Variants in ADAM12 observed in about 807,000 individuals in gnomAD.
The protein encoded by ADAM12 is ADAM metallopeptidase domain 12, also known as disintegrin and metalloproteinase domain-containing protein 12.
ADAM12 carries 70 observed loss-of-function variants against 106.4 expected under a neutral mutation model. That is an observed-to-expected ratio of 0.66 (90% CI 0.54 to 0.80). The LOEUF (loss-of-function observed/expected upper bound fraction) is 0.80, where lower values mean the gene tolerates loss of function less well. ADAM12 is among the 30% of genes least tolerant of loss of function. The pLI is 0.00. For synonymous variants in ADAM12, 420 were observed against 433.5 expected (o/e 0.97, Z 0.39); for missense variants, 1,010 against 1,171.9 (o/e 0.86, Z 2.02).
chr10:126,223,577 G>A (rs1958136193), intron 3 of ADAM12, among the ~76,000 whole-genome samples: 1 of 152,254 alleles, frequency 6.6e-6, no homozygotes, highest in South Asian at 2.1e-4. Flanking sequence ...AGCAAGCAAT[G>A]TTAGGAGAAC....
intron 8 of ADAM12, among the ~76,000 whole-genome samples, chr10:126,105,526 G>A (rs773547468): frequency 2.6e-5 from 4 of 152,214 alleles, no homozygotes; most frequent in Non-Finnish European, 5.9e-5. Context: ...CTAGGCCAGT[G>A]CGTCTCAGTC....
At chr10:126,300,831 C>T (rs1960588972) in intron 2 of ADAM12, among the ~76,000 whole-genome samples, 1 of 152,238 alleles carries the variant, frequency 6.6e-6, no homozygotes, top group African/African-American at 2.4e-5. Context: ...ATTAACATTG[C>T]CGGAGTATTC....
At chr10:126,048,764 T>C (rs1471665822) in intron 16 of ADAM12, among the ~76,000 whole-genome samples, 1 of 151,818 alleles carries the variant, frequency 6.6e-6, no homozygotes, top group African/African-American at 2.4e-5. Context: ...CCTCAAAATA[T>C]CTCCATGTAT....
chr10:126,175,574 AT>A (rs895117452), intron 3 of ADAM12, among the ~76,000 whole-genome samples: 4 of 152,102 alleles, frequency 2.6e-5, no homozygotes, highest in African/African-American at 9.7e-5. Context: ...CATGCCCTAC[AT>A]TTTTTTCTCT....
At chr10:126,117,270 G>A (rs1956001585) in intron 6 of ADAM12, among the ~76,000 whole-genome samples, 1 of 152,210 alleles carries the variant, frequency 6.6e-6, no homozygotes, top group Admixed American at 6.5e-5. Flanking sequence ...CTTAGGGGTG[G>A]AGGTTTCATG....
intron 4 of ADAM12, among the ~76,000 whole-genome samples, chr10:126,144,512 G>C (rs1956589141): frequency 6.6e-6 from 1 of 152,164 alleles, no homozygotes; most frequent in Non-Finnish European, 1.5e-5. Flanking sequence ...GTGCATGAGA[G>C]AAATTGACCC....
chr10:126,055,415 C>T (rs114250797), intron 14 of ADAM12, among the ~76,000 whole-genome samples: 4 of 152,322 alleles, frequency 2.6e-5, no homozygotes, highest in South Asian at 2.1e-4. Context: ...TTTAAATGAA[C>T]GATACATTTT....
intron 3 of ADAM12, among the ~76,000 whole-genome samples, chr10:126,190,293 T>C (rs10901554): frequency 0.23 from 35,421 of 151,478 alleles, 4,944 homozygotes; most frequent in East Asian, 0.42. Flanking sequence ...CCTCCACTTC[T>C]GGGTTCAAGC....
At chr10:126,248,072 C>T (rs1958663890) in intron 3 of ADAM12, among the ~76,000 whole-genome samples, 1 of 152,220 alleles carries the variant, frequency 6.6e-6, no homozygotes, top group African/African-American at 2.4e-5. Flanking sequence ...GCTGGTGGCA[C>T]AGCTCATTGC....
chr10:126,111,074 C>T (rs538388172), intron 6 of ADAM12, among the ~76,000 whole-genome samples: 7 of 152,156 alleles, frequency 4.6e-5, no homozygotes, highest in Admixed American at 1.3e-4. Context: ...CCCATCAGTC[C>T]GGGATCTTCC....
chr10:126,318,426 A>C (rs1336415392), intron 2 of ADAM12, among the ~76,000 whole-genome samples: 1 of 152,044 alleles, frequency 6.6e-6, no homozygotes, highest in Admixed American at 6.6e-5. Context: ...ATTCTAACAC[A>C]CAGATACACT....
At chr10:126,061,328 C>T (rs1954751496) in intron 14 of ADAM12, among the ~76,000 whole-genome samples, 1 of 152,200 alleles carries the variant, frequency 6.6e-6, no homozygotes, top group Non-Finnish European at 1.5e-5. Flanking sequence ...TGGAGCATAA[C>T]AGACCCTTGG....
chr10:126,039,334 G>A lies in ADAM12; in HGVS notation c.2200C>T (p.Leu734=), dbSNP rs116084805. The change falls in exon 19 of 23, where the codon CTG becomes TTG. Residue 734 remains leucine, a synonymous_variant. Coordinates refer to ENST00000448723, the MANE Select transcript of ADAM12 (RefSeq NM_001288973.2). ...GTGGTCTTCTTATTTGTAAACAGCA[G>A]TCGTATCAAGGTCTTCCTTTTGAGA... The part of the protein sequence containing the change: ...VYLKRKTLIR[L]LFTNKKTTIE... 1,145 of 1,614,062 alleles carry A rather than the reference G, an allele frequency of 7.1e-4. 9 individuals are homozygous for A. The African/African-American group carries it at 0.013, about 18-fold the overall frequency.
intron 3 of ADAM12, among the ~76,000 whole-genome samples, chr10:126,214,506 A>C (rs1957952828): frequency 6.6e-6 from 1 of 152,210 alleles, no homozygotes; most frequent in African/African-American, 2.4e-5. Flanking sequence ...TAATATATGC[A>C]TGGGCTGTCT....
chr10:126,092,097 G>C (rs1412570215), intron 11 of ADAM12, among the ~76,000 whole-genome samples: 1 of 152,160 alleles, frequency 6.6e-6, no homozygotes, highest in Non-Finnish European at 1.5e-5. Flanking sequence ...CAGTGTTCTT[G>C]ATCTAGGTTT....
intron 3 of ADAM12, among the ~76,000 whole-genome samples, chr10:126,187,014 T>C (rs1054227833): frequency 6.6e-6 from 1 of 152,188 alleles, no homozygotes; most frequent in African/African-American, 2.4e-5. Context: ...GGATTCCAAA[T>C]TGCATGGTCT....
chr10:126,107,859 G>T (rs1200448909), intron 8 of ADAM12, among the ~76,000 whole-genome samples: 1 of 152,148 alleles, frequency 6.6e-6, no homozygotes, highest in Admixed American at 6.6e-5. Flanking sequence ...TAGGCTAAGG[G>T]TCGTCAGCAG....
intron 14 of ADAM12, among the ~76,000 whole-genome samples, chr10:126,055,024 ACTGT>A (rs774482511): frequency 1.3e-4 from 20 of 152,176 alleles, no homozygotes; most frequent in Admixed American, 1.3e-4. Flanking sequence ...ACTAGTGGAG[ACTGT>A]GGGCTAACCA....
chr10:126,321,654 C>A (rs1590778609), intron 2 of ADAM12, among the ~76,000 whole-genome samples: 1 of 152,314 alleles, frequency 6.6e-6, no homozygotes, highest in Admixed American at 6.5e-5. Flanking sequence ...AAAGCCAGAT[C>A]TCCCTCGGAG....
Sources: allele counts gnomAD v4.1 joint callset (sites outside exome capture counted in the v4.1 genomes callset), GRCh38; gene constraint gnomAD v4.1.1; transcripts MANE v1.5; gene names NCBI Gene and HGNC (gene_info 2026-07-23, HGNC 2026-07-21).